ROCK1: variants seen among roughly 807,000 people sequenced by gnomAD.
ROCK1 encodes the protein rho-associated protein kinase 1.
A neutral mutation model predicts 196.8 loss-of-function variants in ROCK1; 36 were observed. The ratio of observed to expected loss-of-function variants is 0.18; its 90% CI spans 0.14 to 0.24. The LOEUF (loss-of-function observed/expected upper bound fraction) is 0.24. Ranked by LOEUF, ROCK1 falls within the 10% of genes least tolerant of loss-of-function variation. ROCK1 has a pLI of 1.00. For synonymous variants in ROCK1, 443 were observed against 515.9 expected, an observed-to-expected ratio of 0.86 and a Z score of 1.91; for missense variants, 920 against 1,562.0, an observed-to-expected ratio of 0.59 and a Z score of 6.93.
chr18:21,023,261 T>C (rs16945468), intron 11 of ROCK1, among the ~76,000 whole-genome samples: 1,541 of 152,298 alleles, frequency 0.01, 20 homozygotes, highest in African/African-American at 0.036. Context: ...TTACGTATAT[T>C]TGCCATACAC....
rs200516920 is a variant in ROCK1 at position 21,049,261 on chromosome 18, T to G, written c.277-32A>C. On this transcript the variant is annotated intron_variant, in intron 3 of 32. Transcript: ENST00000399799. ...AATTGAAAAGGGAAAATAATGAACC[T>G]TTTGTTAACATTTAAAGCTCAAGGT... is the stretch of plus-strand genomic sequence containing the variant. 4 of 1,477,968 alleles carry G rather than the reference T, an allele frequency of 2.7e-6. No individual in the cohort carries two copies. In the East Asian group the frequency reaches 9.8e-5, roughly 36 times the overall value. The allele number at this position is 1,477,968 out of a possible 1,614,324, so 91.6% of individuals were successfully genotyped here. A position where few individuals can be genotyped will look rare whatever the true frequency, so the allele number is the denominator to read the frequency against.
intron 10 of ROCK1, among the ~76,000 whole-genome samples, chr18:21,027,817 A>G (rs1341766245): frequency 8.4e-6 from 1 of 118,624 alleles, no homozygotes; most frequent in Non-Finnish European, 1.6e-5. Flanking sequence ...GCTGGAGTGC[A>G]GTGGCGCGAT....
intron 10 of ROCK1, among the ~76,000 whole-genome samples, chr18:21,027,679 T>C (rs2035970683): frequency 6.6e-6 from 1 of 152,066 alleles, no homozygotes; most frequent in Admixed American, 6.6e-5. Context: ...CCAAAGTTAT[T>C]TGTCCAAGGT....
At chr18:20,956,905 G>C (rs566047698) in intron 29 of ROCK1, among the ~76,000 whole-genome samples, 1 of 152,030 alleles carries the variant, frequency 6.6e-6, no homozygotes, top group Non-Finnish European at 1.5e-5. Context: ...GGCTAATAAC[G>C]ACATGAAAGA....
At chr18:21,054,078 T>G (rs1391121490) in intron 2 of ROCK1, among the ~76,000 whole-genome samples, 1 of 152,178 alleles carries the variant, frequency 6.6e-6, no homozygotes, top group Admixed American at 6.5e-5. Flanking sequence ...CAAAAGCAGC[T>G]ATACACAATA....
At chr18:21,031,723 A>G (rs553490996) in intron 9 of ROCK1, among the ~76,000 whole-genome samples, 1 of 152,260 alleles carries the variant, frequency 6.6e-6, no homozygotes, top group East Asian at 1.9e-4. Flanking sequence ...GCAAATGAAC[A>G]CTATGGATGA....
At chr18:21,021,074 G>C (rs2035909008) in intron 11 of ROCK1, among the ~76,000 whole-genome samples, 1 of 152,152 alleles carries the variant, frequency 6.6e-6, no homozygotes, top group African/African-American at 2.4e-5. Flanking sequence ...AAAAGGCAGA[G>C]GCTACAGGAA....
chr18:21,069,405 A>G (rs976643124), intron 2 of ROCK1, among the ~76,000 whole-genome samples: 1 of 152,056 alleles, frequency 6.6e-6, no homozygotes, highest in Non-Finnish European at 1.5e-5. Flanking sequence ...TAAATTGTAC[A>G]GGTTTACCAG....
At chr18:21,065,610 A>C (rs1430136166) in intron 2 of ROCK1, among the ~76,000 whole-genome samples, 7 of 152,118 alleles carry the variant, frequency 4.6e-5, no homozygotes, top group African/African-American at 1.7e-4. Flanking sequence ...TCATCCTCCC[A>C]ATGTTCTGGC....
chr18:21,091,629 T>A (rs558998389), intron 1 of ROCK1, among the ~76,000 whole-genome samples: 16 of 151,578 alleles, frequency 1.1e-4, no homozygotes, highest in Non-Finnish European at 2.4e-4. Context: ...TGTACATATA[T>A]CACAAAATAT....
intron 1 of ROCK1, among the ~76,000 whole-genome samples, chr18:21,085,063 A>C (rs1032600840): frequency 1.1e-4 from 16 of 152,206 alleles, no homozygotes; most frequent in Admixed American, 2.6e-4. Context: ...ACAGAAACAG[A>C]AAGTAGAATG....
intron 1 of ROCK1, among the ~76,000 whole-genome samples, chr18:21,090,166 T>C (rs2036558251): frequency 6.6e-6 from 1 of 152,218 alleles, no homozygotes; most frequent in Non-Finnish European, 1.5e-5. Flanking sequence ...ACTGGTTCCT[T>C]GAATTATGCA....
chr18:21,073,131 G>A (rs2036401552), intron 1 of ROCK1, among the ~76,000 whole-genome samples: 1 of 129,162 alleles, frequency 7.7e-6, no homozygotes, highest in South Asian at 2.6e-4. Context: ...GTAACAGAGG[G>A]GCCAATCAAT....
chr18:21,042,825 T>G (rs1412367928), intron 6 of ROCK1, 116 bp from the exon 7 acceptor site: 2 of 1,024,192 alleles, frequency 2.0e-6, no homozygotes, highest in African/African-American at 3.2e-5. Flanking sequence ...TAAAATATCA[T>G]ATATTAAAAC....
Position 20,991,237 on chromosome 18 carries a change from G to C in ROCK1, c.2082C>G (p.Thr694=), listed in dbSNP as rs753709505. ...LEQEVNEHKV[T]KARLTDKHQS... ...GATGTTTGTCAGTTAAACGAGCTTT[G>C]GTTACTTTGTGTTCATTTACCTCTT... Residue 694 remains threonine (T), a synonymous_variant, in exon 18 of 33, where the codon ACC becomes ACG. Transcript: ENST00000399799. 1 of 1,612,770 alleles carries C rather than the reference G, an allele frequency of 6.2e-7. No homozygotes were observed. The highest frequency in any genetic ancestry group is 1.3e-5 in the African/African-American group (1 of 74,942).
At chr18:21,108,819 C>T (rs1021799947) in intron 1 of ROCK1, among the ~76,000 whole-genome samples, 1 of 152,212 alleles carries the variant, frequency 6.6e-6, no homozygotes, top group African/African-American at 2.4e-5. Context: ...ACACCAGATT[C>T]ATCTTCTTCA....
intron 22 of ROCK1, among the ~76,000 whole-genome samples, chr18:20,973,926 G>A (rs1367204600): frequency 6.6e-6 from 1 of 151,036 alleles, no homozygotes; most frequent in East Asian, 2.0e-4. Context: ...GACTACAGGC[G>A]CCCGCCCGTA....
At chr18:20,965,617 T>C (rs1334055551) in intron 27 of ROCK1, among the ~76,000 whole-genome samples, 1 of 152,152 alleles carries the variant, frequency 6.6e-6, no homozygotes, top group Non-Finnish European at 1.5e-5. Flanking sequence ...TTAGTGATGA[T>C]TAAGTCTAAC....
intron 27 of ROCK1, among the ~76,000 whole-genome samples, chr18:20,964,521 C>T (rs2035355088): frequency 6.6e-6 from 1 of 152,002 alleles, no homozygotes; most frequent in African/African-American, 2.4e-5. Context: ...TTAATTTCTA[C>T]TTCCAATATG....
Sources: allele counts gnomAD v4.1 joint callset (sites outside exome capture counted in the v4.1 genomes callset), GRCh38; gene constraint gnomAD v4.1.1; transcripts MANE v1.5; gene names NCBI Gene and HGNC (gene_info 2026-07-23, HGNC 2026-07-21).